The following SCN2A variants were observed in gnomAD, a reference collection of about 807,000 sequenced individuals.
The protein encoded by SCN2A is sodium channel protein type 2 subunit alpha.
In SCN2A, 20 loss-of-function variants were observed where a neutral mutation model predicts 188.7. The ratio of observed to expected loss-of-function variants is 0.11; its 90% CI spans 0.07 to 0.15. The LOEUF (loss-of-function observed/expected upper bound fraction) is 0.15. SCN2A is among the 10% of genes least tolerant of loss of function. The pLI, the probability that SCN2A is intolerant of heterozygous loss-of-function variation, is 1.00. For missense variants in SCN2A, 1,278 were observed against 2,445.0 expected, an observed-to-expected ratio of 0.52 and a Z score of 10.07; for synonymous variants, 804 against 833.1, an observed-to-expected ratio of 0.97 and a Z score of 0.60.
At chr2:165,252,478 T>C (rs1488271873) in intron 1 of SCN2A, among the ~76,000 whole-genome samples, 1 of 152,116 alleles carries the variant, frequency 6.6e-6, no homozygotes, top group Non-Finnish European at 1.5e-5. Context: ...TGCATTTTAT[T>C]TATCAATTAT....
intron 1 of SCN2A, among the ~76,000 whole-genome samples, chr2:165,278,102 G>T (rs915952065): frequency 1.3e-5 from 2 of 152,136 alleles, no homozygotes; most frequent in Non-Finnish European, 1.5e-5. Context: ...TTGTCTTCTG[G>T]GTTGAATTGG....
At chr2:165,251,080 T>C (rs976892159) in intron 1 of SCN2A, among the ~76,000 whole-genome samples, 1 of 152,150 alleles carries the variant, frequency 6.6e-6, no homozygotes, top group African/African-American at 2.4e-5. Context: ...TATACTATTT[T>C]AGTTTTAGTG....
At chr2:165,380,509 G>C in intron 23 of SCN2A, 83 bp from the exon 24 acceptor site, 1 of 994,428 alleles carries the variant, frequency 1.0e-6, no homozygotes, top group Non-Finnish European at 1.6e-6. Context: ...ATTAAAACAT[G>C]CTTAGATAAT....
At chr2:165,383,581 A>G (rs577248569) in intron 25 of SCN2A, among the ~76,000 whole-genome samples, 4 of 152,274 alleles carry the variant, frequency 2.6e-5, no homozygotes, top group Admixed American at 6.5e-5. Flanking sequence ...TGATCACTCA[A>G]TCAGTTTCAC....
chr2:165,260,025 G>A (rs1208979274), intron 1 of SCN2A, among the ~76,000 whole-genome samples: 1 of 146,010 alleles, frequency 6.8e-6, no homozygotes, highest in Non-Finnish European at 1.5e-5. Context: ...CTCGCTGCAG[G>A]CTCCATCTTC....
chr2:165,384,190 A>C (rs1362234016), intron 25 of SCN2A, among the ~76,000 whole-genome samples: 2 of 152,092 alleles, frequency 1.3e-5, no homozygotes, highest in Non-Finnish European at 2.9e-5. Context: ...TGCAAAAGGA[A>C]ACAGAGGAGT....
intron 25 of SCN2A, among the ~76,000 whole-genome samples, chr2:165,383,952 C>G (rs924904292): frequency 2.6e-5 from 4 of 151,800 alleles, no homozygotes; most frequent in African/African-American, 9.7e-5. Flanking sequence ...TTAGAAGTAG[C>G]AAAATAAAGG....
intron 1 of SCN2A, among the ~76,000 whole-genome samples, chr2:165,244,672 A>G (rs918452091): frequency 3.3e-5 from 5 of 152,216 alleles, no homozygotes; most frequent in Admixed American, 3.3e-4. Context: ...TACTAAAATA[A>G]CATTTAGGGG....
At chr2:165,374,431 C>A (rs1185774452) in intron 21 of SCN2A, among the ~76,000 whole-genome samples, 1 of 152,014 alleles carries the variant, frequency 6.6e-6, no homozygotes, top group Non-Finnish European at 1.5e-5. Flanking sequence ...TTAGTTCCAT[C>A]CTTTGAGGTA....
Position 165,326,735 on chromosome 2 carries a change from T to A in SCN2A, c.2017-117T>A, listed in dbSNP as rs1698378772. The A allele has an allele frequency of 5.1e-6, 6 of 1,178,400 alleles. No homozygotes were observed. In the South Asian group the frequency reaches 7.5e-5, roughly 15 times the overall value. 73.0% of individuals were successfully genotyped at this position (1,178,400 alleles called of 1,614,324 possible). On this transcript the variant is annotated intron_variant, in intron 12 of 26. Transcript: ENST00000375437. The stretch of plus-strand genomic sequence containing the variant: ...TCATTCCAACAATATCTTAGTGAGC[T>A]TTTTACATCTGAGAAAGCATGGTGT...
At chr2:165,280,263 C>T (rs148752163) in intron 1 of SCN2A, among the ~76,000 whole-genome samples, 152 of 152,220 alleles carry the variant, frequency 1.0e-3, no homozygotes, top group African/African-American at 3.5e-3. Flanking sequence ...GTATGCAATA[C>T]GATTATTTAT....
intron 1 of SCN2A, among the ~76,000 whole-genome samples, chr2:165,262,838 A>C (rs1694665970): frequency 6.6e-6 from 1 of 152,134 alleles, no homozygotes; most frequent in African/African-American, 2.4e-5. Context: ...TGTTTTCAGT[A>C]ATGGTTGTAC....
chr2:165,278,573 A>G (rs1034757977), intron 1 of SCN2A, among the ~76,000 whole-genome samples: 2 of 152,120 alleles, frequency 1.3e-5, no homozygotes, highest in South Asian at 2.1e-4. Context: ...GGAGATTACC[A>G]TTTAAGATGA....
chr2:165,340,433 C>G (rs770810960), intron 14 of SCN2A, among the ~76,000 whole-genome samples: 1 of 152,094 alleles, frequency 6.6e-6, no homozygotes, highest in South Asian at 2.1e-4. Context: ...GAGAGAGATT[C>G]CATTTACTGA....
rs182890155 is a variant in SCN2A at position 165,300,930 on chromosome 2, T to C, written c.386+3795T>C. Among the ~76,000 whole-genome samples, 77 of 152,112 alleles carry C rather than the reference T, an allele frequency of 5.1e-4. No homozygotes were observed. In the East Asian group the frequency reaches 8.3e-3, roughly 16 times the overall value. On this transcript the variant is annotated intron_variant, in intron 3 of 26. Coordinates refer to ENST00000375437, the MANE Select transcript of SCN2A (RefSeq NM_001040142.2). ...GTGGAAGCAAGGAGACTGGGACCGA[T>C]TGTCATTATGAAGGCAAGAGAGCAT... is the stretch of plus-strand genomic sequence containing the variant.
intron 1 of SCN2A, among the ~76,000 whole-genome samples, chr2:165,243,446 T>A (rs1477790574): frequency 6.6e-6 from 1 of 151,682 alleles, no homozygotes; most frequent in Non-Finnish European, 1.5e-5. Context: ...CTACTAAAAA[T>A]AAAAAATTAG....
rs1021555174 is a variant in SCN2A, at chr2:165,390,139, A to C, written c.*315A>C. The C allele has an allele frequency of 1.0e-5, 3 of 299,246 alleles. No homozygotes were observed. In the Middle Eastern group the frequency reaches 3.3e-3, roughly 327 times the overall value. The allele number at this position is 299,246 out of a possible 1,614,324, so 18.5% of individuals were successfully genotyped here. A position where few individuals can be genotyped will look rare whatever the true frequency, so the allele number is the denominator to read the frequency against. On this transcript the variant is annotated 3_prime_UTR_variant, in exon 27 of 27. Transcript: ENST00000375437. ...GGGAGGGAAGTTAAATTTTTATGTA[A>C]ATTCAACATGTGACACTTGATAATA...
rs1057522929 is a variant in SCN2A at position 165,380,582 on chromosome 2, T to C, written c.4309-10T>C. On this transcript the variant is annotated splice_polypyrimidine_tract_variant and intron_variant, in intron 23 of 26. Coordinates refer to ENST00000375437, the MANE Select transcript of SCN2A (RefSeq NM_001040142.2). ...TAGATATAATGGTTACAATTCTTCA[T>C]ATTCTTTAGGTAGAATTACAACCCA... The C allele has an allele frequency of 3.8e-6, 6 of 1,560,680 alleles. No individual in the cohort carries two copies. Among genetic ancestry groups the C allele is most frequent in the Non-Finnish European group, 5.3e-6 (6 of 1,132,856 alleles).
Position 165,366,252 on chromosome 2 carries a change from T to G in SCN2A, c.3521-965T>G, listed in dbSNP as rs866351892. ...GCCCCAACTTAAAATGTACATTCTT[T>G]GAGGACAAGGCTATGTTTTACATGT... is the stretch of plus-strand genomic sequence containing the variant. On this transcript the variant is annotated intron_variant, in intron 18 of 26. Coordinates refer to ENST00000375437, the MANE Select transcript of SCN2A (RefSeq NM_001040142.2). Among the ~76,000 whole-genome samples the G allele has an allele frequency of 2.6e-5, 4 of 152,334 alleles. No individual in the cohort carries two copies. The Middle Eastern group carries it at 0.01, about 391-fold the overall frequency.
Sources: gnomAD v4.1 joint callset for allele counts (sites outside exome capture counted in the v4.1 genomes callset) on GRCh38, gnomAD v4.1.1 for gene constraint, MANE v1.5 for transcripts, NCBI Gene and HGNC (gene_info 2026-07-23, HGNC 2026-07-21) for gene names.